Variants in GNAS observed in about 807,000 individuals in gnomAD.
GNAS encodes the protein protein ALEX.
In GNAS, 8 loss-of-function variants were observed where a neutral mutation model predicts 54.5. That is an observed-to-expected ratio of 0.15 (90% CI 0.09 to 0.26). The LOEUF (loss-of-function observed/expected upper bound fraction) is 0.26, where lower values mean the gene tolerates loss of function less well. Ranked by LOEUF, GNAS falls within the 10% of genes least tolerant of loss-of-function variation. The probability of loss-of-function intolerance (pLI) is 1.00; values close to 1 mark genes in which losing one functional copy is unlikely to be tolerated. For missense variants in GNAS, 170 were observed against 529.8 expected, an observed-to-expected ratio of 0.32 and a Z score of 6.67; for synonymous variants, 204 against 191.4, an observed-to-expected ratio of 1.07 and a Z score of -0.54.
At chr20:58,907,603 C>T (rs1306483640) in intron 6 of GNAS, among the ~76,000 whole-genome samples, 1 of 152,094 alleles carries the variant, frequency 6.6e-6, no homozygotes, top group Admixed American at 6.5e-5. Context: ...TGTCGGGTTT[C>T]GTTTTCTCTC....
At chr20:58,871,675 A>G (rs1290830549) in intron 1 of GNAS, among the ~76,000 whole-genome samples, 11 of 145,066 alleles carry the variant, frequency 7.6e-5, no homozygotes, top group Non-Finnish European at 1.7e-4. Flanking sequence ...GAGAGAGAGG[A>G]GGAAAAAAGA....
At chr20:58,906,220 C>G (rs1409815717) in intron 6 of GNAS, among the ~76,000 whole-genome samples, 1 of 152,220 alleles carries the variant, frequency 6.6e-6, no homozygotes, top group Non-Finnish European at 1.5e-5. Flanking sequence ...GGAAAAGCAT[C>G]TTTCTCCAAA....
chr20:58,901,278 C>G (rs150196106), intron 3 of GNAS, among the ~76,000 whole-genome samples: 17 of 152,202 alleles, frequency 1.1e-4, no homozygotes, highest in Non-Finnish European at 2.5e-4. Context: ...TCTAAATAAT[C>G]GATGTTAGAC....
intron 1 of GNAS, among the ~76,000 whole-genome samples, chr20:58,865,593 T>G (rs2087018532): frequency 6.6e-6 from 1 of 150,986 alleles, no homozygotes; most frequent in Non-Finnish European, 1.5e-5. Context: ...CTTTTTTTTT[T>G]GAGATGGAGT....
intron 2 of GNAS, among the ~76,000 whole-genome samples, 172 bp downstream of exon 2, chr20:58,895,856 A>G (rs550527686): frequency 6.6e-6 from 1 of 151,394 alleles, no homozygotes; most frequent in South Asian, 2.1e-4. Context: ...CTCACCCCCC[A>G]CCCCCTTGGA....
upstream of GNAS, chr20:58,840,028 C>T (rs2085658034): frequency 6.5e-7 from 1 of 1,533,592 alleles, no homozygotes; most frequent in Non-Finnish European, 8.9e-7. This position sits in a 1 kb window ranked among gnomAD's most constrained non-coding sequence, Gnocchi z 6.0. Flanking sequence ...CCTTTCCCGG[C>T]TCCAGCAGCC....
chr20:58,902,526 T>G (rs2090708576), intron 3 of GNAS, among the ~76,000 whole-genome samples: 1 of 151,956 alleles, frequency 6.6e-6, no homozygotes, highest in South Asian at 2.1e-4. Flanking sequence ...GTGGCTGAGT[T>G]AAACTCAAGG....
At chr20:58,888,948 G>GCCCGCGCCCCCCGCCATCGCGGCC, upstream of GNAS, 1 of 366,946 alleles carries the variant, frequency 2.7e-6, no homozygotes, top group Non-Finnish European at 3.8e-6. Flanking sequence ...CCTTGGGCGC[G>GCCCGCGCCCCCCGCCATCGCGGCC]CCCGCGCCCC....
chr20:58,908,445 C>T (rs1022869313), intron 6 of GNAS, among the ~76,000 whole-genome samples: 6 of 151,800 alleles, frequency 4.0e-5, no homozygotes, highest in African/African-American at 9.7e-5. Context: ...CCCTTTGTGC[C>T]AACCTCTTTT....
At chr20:58,849,381 G>A (rs1187360040) in intron 1 of GNAS, among the ~76,000 whole-genome samples, 3 of 152,142 alleles carry the variant, frequency 2.0e-5, no homozygotes, top group Non-Finnish European at 4.4e-5. Context: ...CCTGTCCAGT[G>A]CGCCAATTGT....
chr20:58,872,960 C>T (rs1220075105), intron 1 of GNAS, among the ~76,000 whole-genome samples: 2 of 152,200 alleles, frequency 1.3e-5, no homozygotes, highest in Non-Finnish European at 2.9e-5. Context: ...TCTTGTAAAG[C>T]ACAACCACAA....
chr20:58,909,597 T>C lies in GNAS; in HGVS notation c.718+18T>C. ...CTTCAACGGTAGGATGCTGTGGGCT[T>C]GGCTGTTCGTAAAGAACGCTTTGCT... On this transcript the variant is annotated intron_variant, in intron 9 of 12. Coordinates refer to ENST00000371085, the MANE Select transcript of GNAS (RefSeq NM_000516.7). This position sits in a 1 kb window ranked among gnomAD's most constrained non-coding sequence, Gnocchi z 7.3. 3.0e-5 allele frequency: 48 copies of C among 1,614,176 alleles called. No individual in the cohort carries two copies. Among genetic ancestry groups the C allele is most frequent in the Non-Finnish European group, 3.8e-5 (45 of 1,180,010 alleles).
chr20:58,889,843 C>T (rs2145866793), upstream of GNAS, among the ~76,000 whole-genome samples: 1 of 151,484 alleles, frequency 6.6e-6, no homozygotes, highest in African/African-American at 2.4e-5. Flanking sequence ...GAGCCCGGGC[C>T]AGGCGCGAGC....
rs1190818700 is a variant in GNAS at position 58,873,057 on chromosome 20, C to T, written c.44-22555C>T. Among the ~76,000 whole-genome samples, 1 of 152,178 alleles carries T rather than the reference C, an allele frequency of 6.6e-6. No individual in the cohort carries two copies. Among genetic ancestry groups the T allele is most frequent in the Non-Finnish European group, 1.5e-5 (1 of 68,028 alleles). On this transcript the variant is annotated intron_variant, in intron 1 of 12. Transcript: ENST00000306090. The surrounding 1 kb of genome is among the most constrained non-coding windows in gnomAD (Gnocchi z 4.3). ...TCCCATCAGGAGGAGTTCAGACTCT[C>T]CCCAAGCACCAAGAGTTAGAAATGT...
chr20:58,894,599 A>G (rs1601018114), intron 1 of GNAS, among the ~76,000 whole-genome samples: 1 of 152,240 alleles, frequency 6.6e-6, no homozygotes, highest in South Asian at 2.1e-4. Context: ...TGTGCATTGC[A>G]AAAAAGATGC....
intron 5 of GNAS, among the ~76,000 whole-genome samples, chr20:58,904,351 C>T (rs1248716357): frequency 2.0e-5 from 3 of 152,026 alleles, no homozygotes; most frequent in Non-Finnish European, 4.4e-5. Flanking sequence ...AATCTTTTCT[C>T]ATTATTAAAA....
chr20:58,874,870 C>T (rs1306607696), intron 1 of GNAS, among the ~76,000 whole-genome samples: 1 of 152,190 alleles, frequency 6.6e-6, no homozygotes, highest in Non-Finnish European at 1.5e-5. Context: ...TAATTTCCAG[C>T]CATTGTGGAA....
At chr20:58,855,284 C>T (rs1349817899) in intron 1 of GNAS, 1 of 1,585,088 alleles carries the variant, frequency 6.3e-7, no homozygotes, top group Non-Finnish European at 8.6e-7. Flanking sequence ...ACAAACAACT[C>T]CAGGACGAAA....
In GNAS at chr20:58,903,718, C is replaced by T. The variant is rs2146183412; in HGVS notation, c.359C>T (p.Ala120Val). Reference protein sequence around the residue: ...MSNLVPPVELANPENQFRVDY... With the variant: ...MSNLVPPVELVNPENQFRVDY... ...AACCTGGTGCCCCCCGTGGAGCTGG[C>T]CAACCCCGAGAACCAGTTCAGAGTG... Residue 120 changes from alanine (A) to valine (V), a missense_variant, in exon 5 of 13, where the codon GCC becomes GTC. Ala to Val is a moderately conservative substitution (Grantham distance 64, BLOSUM62 0). Around this residue, in one of 3 missense-constraint regions of GNAS, gnomAD observed 78 missense variants for 251.1 expected, o/e 0.31. Coordinates refer to ENST00000371085, the MANE Select transcript of GNAS (RefSeq NM_000516.7). 1.2e-6 allele frequency: 2 copies of T among 1,613,756 alleles called. No homozygotes were observed. Among genetic ancestry groups the T allele is most frequent in the Non-Finnish European group, 1.7e-6 (2 of 1,179,698 alleles).
Sources: gnomAD v4.1 joint callset for allele counts (sites outside exome capture counted in the v4.1 genomes callset) on GRCh38, gnomAD v4.1.1 for gene constraint, gnomAD v4.1.1 regional missense constraint, Gnocchi (gnomAD v3.1) non-coding constraint, MANE v1.5 for transcripts, NCBI Gene and HGNC (gene_info 2026-07-23, HGNC 2026-07-21) for gene names.